Variants in PDE1C observed in about 807,000 individuals in gnomAD.
The protein encoded by PDE1C is phosphodiesterase 1C, also known as dual specificity calcium/calmodulin-dependent 3',5'-cyclic nucleotide phosphodiesterase 1C.
A neutral mutation model predicts 93.1 loss-of-function variants in PDE1C; 62 were observed. The ratio of observed to expected loss-of-function variants is 0.67; its 90% confidence interval spans 0.54 to 0.82. The LOEUF (loss-of-function observed/expected upper bound fraction) is 0.82, where lower values mean the gene tolerates loss of function less well. Ranked by LOEUF, PDE1C falls within the 40% of genes least tolerant of loss-of-function variation. PDE1C has a pLI of 0.00. For missense variants in PDE1C, 742 were observed against 884.6 expected, an observed-to-expected ratio of 0.84 and a Z score of 2.04; for synonymous variants, 325 against 310.1, an observed-to-expected ratio of 1.05 and a Z score of -0.50.
the PDE1C span, among the ~76,000 whole-genome samples, chr7:31,693,503 C>T: frequency 1.3e-5 from 2 of 152,270 alleles, no homozygotes; most frequent in African/African-American, 4.8e-5. Context: ...AGCAGTGTAC[C>T]CCTCAGCTTT....
At chr7:32,132,589 C>T (rs762053960) in intron 3 of PDE1C, among the ~76,000 whole-genome samples, 23 of 152,112 alleles carry the variant, frequency 1.5e-4, no homozygotes, top group Non-Finnish European at 2.4e-4. Flanking sequence ...TGGCTTGAGC[C>T]CAGGAGGTCA....
intron 3 of PDE1C, among the ~76,000 whole-genome samples, chr7:32,079,754 G>A (rs1264563924): frequency 6.6e-6 from 1 of 152,194 alleles, no homozygotes; most frequent in Non-Finnish European, 1.5e-5. Flanking sequence ...CAAGAGTGGG[G>A]AGGCAGGAGC....
At chr7:31,825,709 C>T (rs1789568423) in intron 12 of PDE1C, among the ~76,000 whole-genome samples, 4 of 152,040 alleles carry the variant, frequency 2.6e-5, no homozygotes, top group Admixed American at 2.6e-4. Context: ...ATAAAGAAGG[C>T]TGGAACCAGT....
chr7:32,250,149 C>A (rs922852023), intron 1 of PDE1C, among the ~76,000 whole-genome samples: 1 of 152,158 alleles, frequency 6.6e-6, no homozygotes, highest in Non-Finnish European at 1.5e-5. Context: ...CAAGAGCTCC[C>A]ATTTATTAGA....
At chr7:32,199,184 C>A (rs1030654435) in intron 2 of PDE1C, among the ~76,000 whole-genome samples, 1 of 151,794 alleles carries the variant, frequency 6.6e-6, no homozygotes, top group Non-Finnish European at 1.5e-5. Context: ...AGTAGGTAAC[C>A]TGTCTTTTCT....
rs1245668029 is a variant in PDE1C, at chr7:32,129,504, TA to T, written c.308+40280del. On this transcript the variant is annotated intron_variant, in intron 3 of 18. Transcript: ENST00000396193. ...TAATGTAAATGTAACATTTTTGTAA[TA>T]AAAAATACATAATTTCAAATTTGTT... Among the ~76,000 whole-genome samples, 14 of 123,928 alleles carry T rather than the reference TA, an allele frequency of 1.1e-4. 1 individual carries two copies. Among genetic ancestry groups the T allele is most frequent in the African/African-American group, 3.9e-4 (10 of 25,730 alleles). 81.3% of individuals were successfully genotyped at this position (123,928 alleles called of 152,430 possible).
intron 2 of PDE1C, among the ~76,000 whole-genome samples, chr7:32,048,326 T>C (rs1372012465): frequency 1.3e-5 from 2 of 152,282 alleles, no homozygotes; most frequent in East Asian, 1.9e-4. Context: ...GCAGAAGTGA[T>C]GCTGTGCTCA....
intron 3 of PDE1C, among the ~76,000 whole-genome samples, chr7:32,166,283 A>G (rs2128801781): frequency 1.3e-5 from 2 of 152,320 alleles, no homozygotes; most frequent in South Asian, 4.1e-4. Flanking sequence ...GAAACCCAGT[A>G]CAACCACTAT....
At chr7:31,901,496 A>G (rs1355657175) in intron 2 of PDE1C, among the ~76,000 whole-genome samples, 1 of 151,316 alleles carries the variant, frequency 6.6e-6, no homozygotes, top group Non-Finnish European at 1.5e-5. Flanking sequence ...ATATTGAAGA[A>G]AGTGAGATCC....
chr7:32,203,668 C>T (rs1445055960), intron 2 of PDE1C, among the ~76,000 whole-genome samples: 2 of 152,152 alleles, frequency 1.3e-5, no homozygotes, highest in East Asian at 1.9e-4. Flanking sequence ...CGAGGGGGTA[C>T]GTTCCAACAA....
intron 1 of PDE1C, among the ~76,000 whole-genome samples, chr7:32,263,534 T>C (rs1810367637): frequency 6.6e-6 from 1 of 152,218 alleles, no homozygotes. Flanking sequence ...ACCTCTTATA[T>C]TTACACTGAT....
At chr7:32,063,658 T>G (rs555951634) in intron 1 of PDE1C, among the ~76,000 whole-genome samples, 1 of 152,350 alleles carries the variant, frequency 6.6e-6, no homozygotes, top group East Asian at 1.9e-4. Context: ...CTACTTCTTT[T>G]GATATTCACA....
intron 2 of PDE1C, among the ~76,000 whole-genome samples, chr7:31,923,666 G>A (rs2128963156): frequency 6.6e-6 from 1 of 152,268 alleles, no homozygotes; most frequent in South Asian, 2.1e-4. Context: ...AAAGTTAGAA[G>A]CCTATGGGAG....
At chr7:31,868,544 T>C (rs34908798) in intron 6 of PDE1C, among the ~76,000 whole-genome samples, 11,851 of 152,194 alleles carry the variant, frequency 0.078, 590 homozygotes, top group Middle Eastern at 0.14. Context: ...ATGTGGCGAA[T>C]GGACCACCAT....
chr7:32,418,138 A>G (rs559198803), intron 1 of PDE1C, among the ~76,000 whole-genome samples: 1 of 152,288 alleles, frequency 6.6e-6, no homozygotes, highest in African/African-American at 2.4e-5. Flanking sequence ...ACAGATGTGA[A>G]CCATCATGCC....
intron 7 of PDE1C, among the ~76,000 whole-genome samples, chr7:31,853,976 C>G (rs1259381198): frequency 6.6e-6 from 1 of 151,062 alleles, no homozygotes; most frequent in Non-Finnish European, 1.5e-5. Flanking sequence ...ATCCACCAAT[C>G]TGGGCCTCCC....
intron 2 of PDE1C, among the ~76,000 whole-genome samples, chr7:32,200,738 T>C (rs1179560635): frequency 2.6e-5 from 4 of 152,094 alleles, no homozygotes; most frequent in Non-Finnish European, 5.9e-5. Flanking sequence ...ATAATCTAAC[T>C]TTGCAAGTCA....
chr7:31,629,431 TC>T, the PDE1C span, among the ~76,000 whole-genome samples: 1 of 152,130 alleles, frequency 6.6e-6, no homozygotes, highest in Non-Finnish European at 1.5e-5. Flanking sequence ...CTGTTTTCCT[TC>T]CCCTGGACAG....
chr7:31,828,570 G>A (rs1789982671), intron 11 of PDE1C, among the ~76,000 whole-genome samples, 197 bp from the exon 12 acceptor site: 2 of 152,146 alleles, frequency 1.3e-5, no homozygotes, highest in South Asian at 2.1e-4. Flanking sequence ...GGATCCAATA[G>A]TTCCACCCAA....
Sources: allele counts gnomAD v4.1 joint callset (sites outside exome capture counted in the v4.1 genomes callset), GRCh38; gene constraint gnomAD v4.1.1; transcripts MANE v1.5; gene names NCBI Gene and HGNC (gene_info 2026-07-23, HGNC 2026-07-21).